Variants in MCUB observed in about 807,000 individuals in gnomAD.
MCUB encodes calcium uniporter regulatory subunit MCUb, mitochondrial.
In MCUB, 46 loss-of-function variants were observed where a neutral mutation model predicts 41.4. That is an observed-to-expected ratio of 1.11 (90% confidence interval 0.88 to 1.42). The LOEUF is 1.42. Among genes scored for constraint, MCUB ranks in the 40% most tolerant of loss-of-function variants. MCUB has a pLI of 0.00. For synonymous variants in MCUB, 148 were observed against 148.2 expected, an observed-to-expected ratio of 1.00 and a Z score of 0.01; for missense variants, 403 against 404.9, an observed-to-expected ratio of 1.00 and a Z score of 0.04.
chr4:109,562,064 A>T (rs1189212540), intron 1 of MCUB, among the ~76,000 whole-genome samples: 1 of 152,028 alleles, frequency 6.6e-6, no homozygotes, highest in African/African-American at 2.4e-5. Flanking sequence ...AGTGTTTTCT[A>T]TTAAGTCCAT....
intron 4 of MCUB, among the ~76,000 whole-genome samples, chr4:109,668,688 T>G (rs1729394474): frequency 6.6e-6 from 1 of 151,980 alleles, no homozygotes; most frequent in African/African-American, 2.4e-5. Context: ...GTTTTCTATT[T>G]GTTGCCACTG....
chr4:109,560,297 G>T lies in MCUB; in HGVS notation c.-41G>T. ...GAGGAGCCCGGCTGAGGGAGGATGC[G>T]CCGCTGACGCCTGCGGGAGCCGCGC... On this transcript the variant is annotated 5_prime_UTR_variant, in exon 1 of 8. Coordinates refer to ENST00000394650, the MANE Select transcript of MCUB (RefSeq NM_017918.5). 9.6e-7 allele frequency: 1 copy of T among 1,038,614 alleles called. No individual in the cohort carries two copies. The highest frequency in any genetic ancestry group is 1.2e-6 in the Non-Finnish European group (1 of 809,274). 64.3% of individuals were successfully genotyped at this position (1,038,614 alleles called of 1,614,324 possible).
chr4:109,592,191 C>T (rs1207934624), intron 1 of MCUB, among the ~76,000 whole-genome samples: 1 of 151,720 alleles, frequency 6.6e-6, no homozygotes, highest in Non-Finnish European at 1.5e-5. Flanking sequence ...GGGTGGATCA[C>T]TTGAAGTCAG....
At chr4:109,639,695 GA>G (rs1728673159) in intron 1 of MCUB, among the ~76,000 whole-genome samples, 1 of 151,866 alleles carries the variant, frequency 6.6e-6, no homozygotes, top group South Asian at 2.1e-4. Flanking sequence ...CTCAAAAAAA[GA>G]AAAAAATATT....
chr4:109,580,202 C>A (rs1254578017), intron 1 of MCUB, among the ~76,000 whole-genome samples: 1 of 152,204 alleles, frequency 6.6e-6, no homozygotes, highest in African/African-American at 2.4e-5. Flanking sequence ...CTGCAAAGGA[C>A]ATGAACTCAT....
intron 3 of MCUB, among the ~76,000 whole-genome samples, chr4:109,662,049 A>G (rs973852920): frequency 1.3e-5 from 2 of 152,168 alleles, no homozygotes; most frequent in African/African-American, 4.8e-5. Context: ...AGCCTACTAC[A>G]CAGTGACCGC....
chr4:109,625,961 G>A (rs192278791), intron 1 of MCUB, among the ~76,000 whole-genome samples: 2 of 152,052 alleles, frequency 1.3e-5, no homozygotes, highest in Admixed American at 1.3e-4. Context: ...TAATGCATTC[G>A]TCCTCAGTGT....
chr4:109,677,651 G>A (rs1729601902), intron 4 of MCUB, among the ~76,000 whole-genome samples: 1 of 152,030 alleles, frequency 6.6e-6, no homozygotes, highest in African/African-American at 2.4e-5. Flanking sequence ...CTTAATAAAG[G>A]ACAAGTTCAG....
intron 4 of MCUB, among the ~76,000 whole-genome samples, chr4:109,675,466 G>C (rs1009042779): frequency 6.6e-6 from 1 of 152,174 alleles, no homozygotes; most frequent in African/African-American, 2.4e-5. Context: ...ATAGCTCAAG[G>C]CCACATCATT....
chr4:109,656,902 C>G (rs1408938822), intron 1 of MCUB, among the ~76,000 whole-genome samples: 1 of 152,046 alleles, frequency 6.6e-6, no homozygotes, highest in Admixed American at 6.6e-5. Flanking sequence ...TTCTTCTCAT[C>G]TTAGTAGTGA....
chr4:109,591,821 C>T (rs942327023), intron 1 of MCUB, among the ~76,000 whole-genome samples: 2 of 151,934 alleles, frequency 1.3e-5, no homozygotes, highest in Admixed American at 6.5e-5. Context: ...GCCTCAGCCT[C>T]CCAAGTAGCT....
chr4:109,638,849 C>A (rs554321353), intron 1 of MCUB, among the ~76,000 whole-genome samples: 1 of 152,270 alleles, frequency 6.6e-6, no homozygotes, highest in African/African-American at 2.4e-5. Context: ...CTTTGCTCAG[C>A]CATATGAAGC....
At chr4:109,647,745 G>A (rs1160639515) in intron 1 of MCUB, among the ~76,000 whole-genome samples, 3 of 152,178 alleles carry the variant, frequency 2.0e-5, no homozygotes, top group East Asian at 1.9e-4. Context: ...CATAATAACC[G>A]ACCACAGTCT....
At chr4:109,685,138 C>G in intron 6 of MCUB, 113 bp from the exon 7 acceptor site, 1 of 607,496 alleles carries the variant, frequency 1.6e-6, no homozygotes, top group Non-Finnish European at 3.0e-6. Context: ...AAATATTTCA[C>G]TCATTCATCT....
intron 1 of MCUB, among the ~76,000 whole-genome samples, chr4:109,598,297 G>T (rs570559909): frequency 0.013 from 1,987 of 152,050 alleles, 38 homozygotes; most frequent in African/African-American, 0.043. Context: ...CACTCCAGCC[G>T]GGGCACCATT....
intron 4 of MCUB, among the ~76,000 whole-genome samples, chr4:109,678,936 C>CG (rs1729648963): frequency 3.1e-5 from 4 of 130,370 alleles, no homozygotes; most frequent in Admixed American, 7.6e-5. Flanking sequence ...ACATCCCAGA[C>CG]AGGGTGGCCG....
At chr4:109,586,529 G>T (rs1188192362) in intron 1 of MCUB, among the ~76,000 whole-genome samples, 1 of 152,142 alleles carries the variant, frequency 6.6e-6, no homozygotes, top group Non-Finnish European at 1.5e-5. Context: ...GAAGAGCAGA[G>T]GTGCTCTGAT....
intron 1 of MCUB, among the ~76,000 whole-genome samples, chr4:109,643,282 T>G (rs1015172148): frequency 6.6e-6 from 1 of 151,746 alleles, no homozygotes; most frequent in African/African-American, 2.4e-5. Context: ...GCCTCCGGAT[T>G]CAAGCAATTC....
chr4:109,669,413 G>T (rs190154845), intron 4 of MCUB, among the ~76,000 whole-genome samples: 123 of 151,958 alleles, frequency 8.1e-4, no homozygotes, highest in Non-Finnish European at 1.4e-3. Context: ...ATAGCTAAGG[G>T]TTCCCCCCTT....
Sources: allele counts gnomAD v4.1 joint callset (sites outside exome capture counted in the v4.1 genomes callset), GRCh38; gene constraint gnomAD v4.1.1; transcripts MANE v1.5; gene names NCBI Gene and HGNC (gene_info 2026-07-23, HGNC 2026-07-21).